The following KATNIP variants were observed in gnomAD, a reference collection of about 807,000 sequenced individuals.
KATNIP encodes katanin-interacting protein.
KATNIP carries 126 observed loss-of-function variants against 174.0 expected under a neutral mutation model. That is an observed-to-expected ratio of 0.72 (90% CI 0.63 to 0.84). The LOEUF is 0.84. Ranked by LOEUF, KATNIP falls within the 40% of genes least tolerant of loss-of-function variation. KATNIP has a pLI of 0.00. For missense variants in KATNIP, 1,958 were observed against 2,109.7 expected, an observed-to-expected ratio of 0.93 and a Z score of 1.41; for synonymous variants, 810 against 835.7, an observed-to-expected ratio of 0.97 and a Z score of 0.53.
intron 6 of KATNIP, among the ~76,000 whole-genome samples, chr16:27,677,465 C>A (rs1299695442): frequency 6.6e-6 from 1 of 151,688 alleles, no homozygotes; most frequent in East Asian, 1.9e-4. Context: ...CATGTGCACT[C>A]CCCCCCACCC....
At chr16:27,552,883 G>A (rs2089450579) in intron 1 of KATNIP, among the ~76,000 whole-genome samples, 2 of 151,744 alleles carry the variant, frequency 1.3e-5, no homozygotes, top group African/African-American at 2.4e-5. Flanking sequence ...TAGTAGAGAT[G>A]GGGTTTCTCT....
At chr16:27,725,547 A>T (rs2080413853) in intron 14 of KATNIP, among the ~76,000 whole-genome samples, 1 of 152,180 alleles carries the variant, frequency 6.6e-6, no homozygotes. Flanking sequence ...GTGGTAAGAG[A>T]CAAAGCCGGG....
At chr16:27,624,618 C>A (rs2076281957) in intron 3 of KATNIP, among the ~76,000 whole-genome samples, 1 of 151,902 alleles carries the variant, frequency 6.6e-6, no homozygotes. Context: ...GAGTTTGAGA[C>A]CAGCCTGGAC....
intron 17 of KATNIP, among the ~76,000 whole-genome samples, chr16:27,753,066 G>A (rs539497176): frequency 1.1e-4 from 17 of 152,166 alleles, no homozygotes; most frequent in Non-Finnish European, 2.5e-4. Context: ...ATTGTACCTC[G>A]CAGCCAGGCA....
intron 8 of KATNIP, among the ~76,000 whole-genome samples, chr16:27,692,114 T>C (rs989861857): frequency 6.6e-6 from 1 of 152,208 alleles, no homozygotes; most frequent in Admixed American, 6.5e-5. Flanking sequence ...ATGCGGGAAA[T>C]GGTGAATGAG....
chr16:27,596,300 A>T (rs1010805859), intron 2 of KATNIP, among the ~76,000 whole-genome samples: 6 of 151,996 alleles, frequency 3.9e-5, no homozygotes, highest in African/African-American at 1.5e-4. Context: ...GTTGGATTAG[A>T]TATGGGTGGG....
rs1404427375 is a variant in KATNIP, at chr16:27,750,145, T to C, written c.3185T>C (p.Ile1062Thr). ...FTRGRSHSIT[I>T]DFTHPCHVAL... ...CGGGGCAGATCCCACTCCATCACCA[T>C]TGACTTCACGCACCCTTGCCACGTT... The change falls in exon 16 of 28, where the codon ATT becomes ACT. Residue 1062 changes from isoleucine (I) to threonine (T), a missense_variant. This residue lies in a region of KATNIP where 1,557 missense variants were observed against 1,617.8 expected (regional missense o/e 0.96). Coordinates refer to ENST00000261588, the MANE Select transcript of KATNIP (RefSeq NM_015202.5). The C allele has an allele frequency of 1.2e-6, 2 of 1,614,152 alleles. No individual in the cohort carries two copies. Among genetic ancestry groups the C allele is most frequent in the South Asian group, 1.1e-5 (1 of 91,076 alleles).
chr16:27,708,194 T>A (rs905227951), intron 12 of KATNIP, among the ~76,000 whole-genome samples: 5 of 151,922 alleles, frequency 3.3e-5, no homozygotes, highest in African/African-American at 7.2e-5. Flanking sequence ...TTTTTTTTTT[T>A]AATTTTTTTG....
intron 7 of KATNIP, among the ~76,000 whole-genome samples, chr16:27,679,749 C>CAAA (rs60190438): frequency 5.4e-5 from 3 of 55,736 alleles, no homozygotes; most frequent in African/African-American, 1.1e-4. Context: ...GAGACCCTCT[C>CAAA]AAAAAAAAAA....
At chr16:27,730,514 T>C (rs1010604767) in intron 14 of KATNIP, among the ~76,000 whole-genome samples, 1 of 152,182 alleles carries the variant, frequency 6.6e-6, no homozygotes, top group East Asian at 1.9e-4. Context: ...TCTGGCTCTT[T>C]CGTGCTTATA....
intron 13 of KATNIP, among the ~76,000 whole-genome samples, chr16:27,713,043 A>G (rs1457740778): frequency 6.6e-6 from 1 of 152,090 alleles, no homozygotes; most frequent in Non-Finnish European, 1.5e-5. Flanking sequence ...CCTGGCCTCA[A>G]GCAATCCTCC....
Position 27,574,360 on chromosome 16 carries a change from G to C in KATNIP, c.63+404G>C, listed in dbSNP as rs537128562. ...AGTTCATGGCTGTGTCGACTGGGGG[G>C]TAGTTGAGTGTCAGGGTGCCTCAGT... On this transcript the variant is annotated intron_variant, in intron 2 of 27. Transcript: ENST00000261588. 4 of 209,776 alleles carry C rather than the reference G, an allele frequency of 1.9e-5. No individual in the cohort carries two copies. The East Asian group carries it at 3.8e-4, about 20-fold the overall frequency. The allele number at this position is 209,776 out of a possible 1,614,324, so 13.0% of individuals were successfully genotyped here. A position where few individuals can be genotyped will look rare whatever the true frequency, so the allele number is the denominator to read the frequency against.
chr16:27,777,591 C>T lies in KATNIP; in HGVS notation c.4552-19C>T. The stretch of plus-strand genomic sequence containing the variant: ...GAGGGACGAGGGGGACCCATGAGTC[C>T]TGCCCCGTGTCCCTGCAGCTCCTGG... On this transcript the variant is annotated intron_variant, in intron 25 of 27. Transcript: ENST00000261588. The surrounding 1 kb of genome is among the most constrained non-coding windows in gnomAD (Gnocchi z 4.4). 6.3e-7 allele frequency: 1 copy of T among 1,595,906 alleles called. No individual in the cohort carries two copies. Among genetic ancestry groups the T allele is most frequent in the Non-Finnish European group, 8.5e-7 (1 of 1,170,070 alleles).
At chr16:27,739,118 TCTGGTAGAGACC>T (rs1162783261) in intron 14 of KATNIP, among the ~76,000 whole-genome samples, 1 of 152,020 alleles carries the variant, frequency 6.6e-6, no homozygotes, top group Non-Finnish European at 1.5e-5. Flanking sequence ...CAGTGGTGTC[TCTGGTAGAGACC>T]CTGGTGGCCT....
At chr16:27,622,644 G>C (rs964278790) in intron 3 of KATNIP, among the ~76,000 whole-genome samples, 1 of 152,136 alleles carries the variant, frequency 6.6e-6, no homozygotes, top group African/African-American at 2.4e-5. Context: ...TTTGGTCCTT[G>C]AGAAAGGTCA....
chr16:27,740,042 AT>A lies in KATNIP; in HGVS notation c.1746del (p.Asp584ThrfsTer7), dbSNP rs766417442. The A allele has an allele frequency of 1.2e-6, 2 of 1,609,580 alleles. No homozygotes were observed. Among genetic ancestry groups the A allele is most frequent in the Non-Finnish European group, 1.7e-6 (2 of 1,176,940 alleles). On this transcript the variant is annotated frameshift_variant and splice_region_variant, in exon 15 of 28. Transcript: ENST00000261588. LOFTEE classifies it high-confidence loss of function. ...KVRNYWTADG[D>X]LDIGAKNVKL... Reference sequence around the variant, plus strand: ...CTTTGTTAAATCTTATGGTTTCAGGATCTTGACATTGGTGCCAAGAACGTGA... The same window carrying A: ...CTTTGTTAAATCTTATGGTTTCAGGACTTGACATTGGTGCCAAGAACGTGA...
intron 2 of KATNIP, among the ~76,000 whole-genome samples, chr16:27,587,134 C>T (rs950192488): frequency 3.3e-5 from 5 of 152,244 alleles, no homozygotes; most frequent in African/African-American, 1.2e-4. Flanking sequence ...CTCTGCGCGT[C>T]AGTTTCCTCA....
intron 5 of KATNIP, among the ~76,000 whole-genome samples, chr16:27,638,050 A>G (rs1302858492): frequency 1.3e-5 from 2 of 151,704 alleles, no homozygotes; most frequent in Non-Finnish European, 2.9e-5. Context: ...ACGGTTTTAC[A>G]CTCCCTCCAT....
chr16:27,596,894 G>T (rs1387539415), intron 2 of KATNIP, among the ~76,000 whole-genome samples: 1 of 152,160 alleles, frequency 6.6e-6, no homozygotes, highest in Non-Finnish European at 1.5e-5. Context: ...GTGGTGGCGT[G>T]TGCCTATAAT....
Sources: gnomAD v4.1 joint callset for allele counts (sites outside exome capture counted in the v4.1 genomes callset) on GRCh38, gnomAD v4.1.1 for gene constraint, gnomAD v4.1.1 regional missense constraint, Gnocchi (gnomAD v3.1) non-coding constraint, MANE v1.5 for transcripts, NCBI Gene and HGNC (gene_info 2026-07-23, HGNC 2026-07-21) for gene names.